Variants in METTL25 observed in about 807,000 individuals in gnomAD.
METTL25 encodes methyltransferase like 25.
A neutral mutation model predicts 71.6 loss-of-function variants in METTL25; 64 were observed. The ratio of observed to expected loss-of-function variants is 0.89; its 90% CI spans 0.73 to 1.10. The LOEUF is 1.10. Among genes scored for constraint, METTL25 ranks in the 50% least tolerant of loss-of-function variants. The pLI is 0.00. For synonymous variants in METTL25, 287 were observed against 250.3 expected, an observed-to-expected ratio of 1.15 and a Z score of -1.38; for missense variants, 807 against 707.0, an observed-to-expected ratio of 1.14 and a Z score of -1.60.
chr12:82,424,855 G>A (rs4284465), intron 5 of METTL25, among the ~76,000 whole-genome samples: 140,419 of 152,036 alleles, frequency 0.92, 65,175 homozygotes, highest in East Asian at 1. Context: ...GACAAGGATT[G>A]CTAGTAATCA....
At chr12:82,427,654 C>A (rs2137132582) in intron 5 of METTL25, among the ~76,000 whole-genome samples, 1 of 151,978 alleles carries the variant, frequency 6.6e-6, no homozygotes, top group South Asian at 2.1e-4. Context: ...AGATTTAAAT[C>A]TCTGCTCAAA....
At chr12:82,441,450 G>T (rs1199377812) in intron 8 of METTL25, among the ~76,000 whole-genome samples, 1 of 151,860 alleles carries the variant, frequency 6.6e-6, no homozygotes, top group African/African-American at 2.4e-5. Flanking sequence ...ACTTGAGAGA[G>T]TTCAACTCTG....
intron 8 of METTL25, among the ~76,000 whole-genome samples, chr12:82,455,176 C>A (rs1018699437): frequency 1.3e-5 from 2 of 150,784 alleles, no homozygotes; most frequent in Admixed American, 6.6e-5. Context: ...AAAAAAAAAT[C>A]AAAGCTTAAC....
rs57771205 is a variant in METTL25 at position 82,384,374 on chromosome 12, GCTCTCT to G, written c.260-2412_260-2407del. On this transcript the variant is annotated intron_variant, in intron 1 of 11. Transcript: ENST00000248306. ...TGGAATGAAGACTAGATCATAAACA[GCTCTCT>G]CTCTCTCTCTCTCTCTGTCTTCCTC... 9.2e-4 allele frequency among the ~76,000 whole-genome samples: 124 copies of G among 134,212 alleles called. 1 individual carries two copies. The highest frequency in any genetic ancestry group is 2.8e-3 in the African/African-American group (101 of 36,348). 88.0% of individuals were successfully genotyped at this position (134,212 alleles called of 152,430 possible).
At chr12:82,368,832 C>A (rs1391112432) in intron 1 of METTL25, among the ~76,000 whole-genome samples, 1 of 152,122 alleles carries the variant, frequency 6.6e-6, no homozygotes, top group Non-Finnish European at 1.5e-5. Context: ...GTCAGTGGGT[C>A]ACCTAGATAA....
At chr12:82,422,516 A>G (rs536125838) in intron 5 of METTL25, among the ~76,000 whole-genome samples, 5 of 152,172 alleles carry the variant, frequency 3.3e-5, no homozygotes, top group African/African-American at 7.2e-5. Flanking sequence ...CACCACTCCT[A>G]TTCAACATAG....
chr12:82,368,656 A>G (rs1366684074), intron 1 of METTL25, among the ~76,000 whole-genome samples: 6 of 152,216 alleles, frequency 3.9e-5, no homozygotes, highest in African/African-American at 9.6e-5. Flanking sequence ...TTATAAGTCA[A>G]TTGAATAAAA....
At chr12:82,359,419 G>C (rs1167799116) in intron 1 of METTL25, among the ~76,000 whole-genome samples, 1 of 152,166 alleles carries the variant, frequency 6.6e-6, no homozygotes, top group Admixed American at 6.5e-5. Context: ...GATGGCACAG[G>C]CCTTTCTAGG....
chr12:82,384,374 G>GCTCTCTCT (rs57771205), intron 1 of METTL25, among the ~76,000 whole-genome samples: 1 of 134,220 alleles, frequency 7.5e-6, no homozygotes, highest in Non-Finnish European at 1.5e-5. Context: ...ATCATAAACA[G>GCTCTCTCT]CTCTCTCTCT....
chr12:82,361,917 C>T (rs1881981580), intron 1 of METTL25, among the ~76,000 whole-genome samples: 1 of 152,204 alleles, frequency 6.6e-6, no homozygotes, highest in Non-Finnish European at 1.5e-5. Flanking sequence ...GAGTGGGCGC[C>T]AAGGCTGAGG....
At chr12:82,367,565 G>A (rs1041880971) in intron 1 of METTL25, among the ~76,000 whole-genome samples, 1 of 152,100 alleles carries the variant, frequency 6.6e-6, no homozygotes, top group African/African-American at 2.4e-5. Flanking sequence ...ATAGAAAATA[G>A]TTCAGTGTCA....
In METTL25 at chr12:82,387,397, AAT is replaced by A. The variant is rs539308190; in HGVS notation, c.424+433_424+434del. Among the ~76,000 whole-genome samples the A allele has an allele frequency of 4.6e-5, 7 of 152,158 alleles. No homozygotes were observed. In the East Asian group the frequency reaches 1.2e-3, roughly 25 times the overall value. ...GGGGATGGTACAAATTAAAAAAACA[AAT>A]ATGATAATGTGGTAGATTAAAACTC... On this transcript the variant is annotated intron_variant, in intron 2 of 11. Coordinates refer to ENST00000248306, the MANE Select transcript of METTL25 (RefSeq NM_032230.3).
intron 8 of METTL25, among the ~76,000 whole-genome samples, chr12:82,447,104 TAATC>T (rs1890807541): frequency 6.6e-6 from 1 of 151,332 alleles, no homozygotes; most frequent in East Asian, 2.0e-4. Flanking sequence ...AAGAAAGAAA[TAATC>T]AAGATCAGAG....
chr12:82,364,735 G>C (rs1882365927), intron 1 of METTL25, among the ~76,000 whole-genome samples: 1 of 152,178 alleles, frequency 6.6e-6, no homozygotes, highest in Admixed American at 6.5e-5. Flanking sequence ...GATTGTGATG[G>C]TTGTGATGAT....
chr12:82,465,673 A>G (rs1273291598), intron 9 of METTL25, among the ~76,000 whole-genome samples: 1 of 151,972 alleles, frequency 6.6e-6, no homozygotes, highest in East Asian at 1.9e-4. Context: ...TTTCAAATGA[A>G]TTGGTATTCA....
Position 82,467,648 on chromosome 12 carries a change from C to T in METTL25, c.1573-8996C>T, listed in dbSNP as rs148866277. Among the ~76,000 whole-genome samples, 767 of 152,060 alleles carry T rather than the reference C, an allele frequency of 5.0e-3. 6 individuals are homozygous for T. Among genetic ancestry groups the T allele is most frequent in the African/African-American group, 0.017 (722 of 41,504 alleles). ...CTATAAGCTTTCTGCTGAAAAAATC[C>T]ACTGTTCGTCTAATTGAGATTCCCT... is the stretch of plus-strand genomic sequence containing the variant. On this transcript the variant is annotated intron_variant, in intron 9 of 11. Coordinates refer to ENST00000248306, the MANE Select transcript of METTL25 (RefSeq NM_032230.3).
intron 8 of METTL25, among the ~76,000 whole-genome samples, chr12:82,445,105 C>T (rs909806069): frequency 6.6e-6 from 1 of 152,042 alleles, no homozygotes; most frequent in Admixed American, 6.6e-5. Flanking sequence ...CACTTATATG[C>T]AGTATTTTTT....
rs990887044 is a variant in METTL25, at chr12:82,432,609, T to G, written c.1374+1622T>G. Among the ~76,000 whole-genome samples the G allele has an allele frequency of 2.6e-5, 4 of 151,568 alleles. No individual in the cohort carries two copies. In the Admixed American group the frequency reaches 2.6e-4, roughly 10 times the overall value. ...CATTCAGAGAACCAAAACAAATACT[T>G]TGGAAAATAAATTCTGTAAATATAG... is the stretch of plus-strand genomic sequence containing the variant. On this transcript the variant is annotated intron_variant, in intron 6 of 11. Coordinates refer to ENST00000248306, the MANE Select transcript of METTL25 (RefSeq NM_032230.3).
chr12:82,456,489 T>C (rs1328976178), intron 8 of METTL25, among the ~76,000 whole-genome samples: 1 of 151,976 alleles, frequency 6.6e-6, no homozygotes, highest in Admixed American at 6.6e-5. Context: ...ATACTGTGTT[T>C]AAAACTTCTT....
Sources: gnomAD v4.1 joint callset for allele counts (sites outside exome capture counted in the v4.1 genomes callset) on GRCh38, gnomAD v4.1.1 for gene constraint, MANE v1.5 for transcripts, NCBI Gene and HGNC (gene_info 2026-07-23, HGNC 2026-07-21) for gene names.